NPAS3: variants seen among roughly 807,000 people sequenced by gnomAD.
The protein encoded by NPAS3 is neuronal PAS domain-containing protein 3.
A neutral mutation model predicts 73.1 loss-of-function variants in NPAS3; 14 were observed. The observed-to-expected ratio is 0.19, with a 90% confidence interval of 0.13 to 0.30. The LOEUF is 0.30. Ranked by LOEUF, NPAS3 falls within the 10% of genes least tolerant of loss-of-function variation. The pLI is 1.00. For missense variants in NPAS3, 1,096 were observed against 1,250.0 expected (o/e 0.88, Z 1.86); for synonymous variants, 620 against 541.5 (o/e 1.14, Z -2.01).
At chr14:33,139,194 A>G (rs894856885) in intron 2 of NPAS3, among the ~76,000 whole-genome samples, 21 of 152,164 alleles carry the variant, frequency 1.4e-4, no homozygotes, top group African/African-American at 5.1e-4. Context: ...TCAAGCATAT[A>G]AAATCAGATA....
intron 7 of NPAS3, among the ~76,000 whole-genome samples, chr14:33,768,007 C>T (rs925959502): frequency 6.6e-6 from 1 of 152,158 alleles, no homozygotes; most frequent in African/African-American, 2.4e-5. Context: ...CTAAACTCTG[C>T]GGACATGCAT....
At chr14:33,197,914 G>A (rs555518608) in intron 2 of NPAS3, among the ~76,000 whole-genome samples, 1 of 152,322 alleles carries the variant, frequency 6.6e-6, no homozygotes, top group Admixed American at 6.5e-5. Context: ...CTTAAAGATG[G>A]TGTGTCCAGA....
intron 6 of NPAS3, among the ~76,000 whole-genome samples, chr14:33,722,075 C>G (rs2061129104): frequency 6.6e-6 from 1 of 152,138 alleles, no homozygotes; most frequent in African/African-American, 2.4e-5. Context: ...TCCCAGGCAA[C>G]AGGAATGTGT....
At chr14:33,698,511 T>C (rs2060446947) in intron 6 of NPAS3, among the ~76,000 whole-genome samples, 1 of 152,178 alleles carries the variant, frequency 6.6e-6, no homozygotes, top group African/African-American at 2.4e-5. Flanking sequence ...GCTACAGGAA[T>C]ATCTTACGTT....
At chr14:33,081,289 G>C (rs2041855884) in intron 2 of NPAS3, among the ~76,000 whole-genome samples, 1 of 152,020 alleles carries the variant, frequency 6.6e-6, no homozygotes, top group East Asian at 1.9e-4. Context: ...TCAGAACCTT[G>C]ACAATAAAAA....
intron 5 of NPAS3, among the ~76,000 whole-genome samples, chr14:33,597,833 A>T (rs1251737309): frequency 6.6e-6 from 1 of 152,198 alleles, no homozygotes; most frequent in African/African-American, 2.4e-5. Flanking sequence ...GGAATTTTTC[A>T]TGTGGACCTG....
At chr14:33,684,268 AATCTAATCT>A (rs1432195315) in intron 6 of NPAS3, among the ~76,000 whole-genome samples, 1 of 151,640 alleles carries the variant, frequency 6.6e-6, no homozygotes, top group African/African-American at 2.4e-5. Context: ...GAACTAAAAT[AATCTAATCT>A]ATCTAATCCT....
chr14:33,749,238 A>G (rs549551934), intron 7 of NPAS3, among the ~76,000 whole-genome samples: 4 of 152,346 alleles, frequency 2.6e-5, no homozygotes, highest in South Asian at 2.1e-4. Context: ...TAAACACAAT[A>G]TAGATTCACC....
At chr14:32,937,835 G>T (rs1690319428), upstream of NPAS3, among the ~76,000 whole-genome samples, 1 of 152,148 alleles carries the variant, frequency 6.6e-6, no homozygotes, top group Non-Finnish European at 1.5e-5. Context: ...GTTGACACAT[G>T]ACTGACCCAA....
intron 1 of NPAS3, among the ~76,000 whole-genome samples, chr14:32,975,931 T>C (rs1055723678): frequency 1.3e-5 from 2 of 151,698 alleles, no homozygotes; most frequent in African/African-American, 4.8e-5. Flanking sequence ...GCATGCATTT[T>C]ACCTGAACCA....
At chr14:32,934,896 C>T (rs2035647836), upstream of NPAS3, 1 of 931,130 alleles carries the variant, frequency 1.1e-6, no homozygotes, top group Non-Finnish European at 1.3e-6. This position sits in a 1 kb window ranked among gnomAD's most constrained non-coding sequence, Gnocchi z 4.1. Context: ...CCGCGGCGGC[C>T]GGCGGGGCGG....
chr14:33,437,313 C>T (rs1056553630), intron 4 of NPAS3, among the ~76,000 whole-genome samples: 3 of 152,088 alleles, frequency 2.0e-5, no homozygotes, highest in African/African-American at 4.8e-5. Context: ...ATTCCTAAGG[C>T]GGTATAGAAC....
At chr14:33,348,290 G>A (rs562274096) in intron 3 of NPAS3, among the ~76,000 whole-genome samples, 2 of 152,250 alleles carry the variant, frequency 1.3e-5, no homozygotes, top group South Asian at 4.1e-4. Flanking sequence ...CCACCATGGG[G>A]ACCCCTCAGC....
At chr14:33,236,866 G>A (rs112157137) in intron 3 of NPAS3, among the ~76,000 whole-genome samples, 352 of 152,190 alleles carry the variant, frequency 2.3e-3, no homozygotes, top group African/African-American at 8.2e-3. Flanking sequence ...TGACCACAGC[G>A]ACATTATACT....
intron 6 of NPAS3, among the ~76,000 whole-genome samples, chr14:33,685,357 A>G (rs900659135): frequency 6.6e-6 from 1 of 152,234 alleles, no homozygotes; most frequent in Non-Finnish European, 1.5e-5. Flanking sequence ...TTAGTAGCCC[A>G]GAAATATTGC....
chr14:32,965,748 T>C (rs1478632836), intron 1 of NPAS3, among the ~76,000 whole-genome samples: 1 of 152,150 alleles, frequency 6.6e-6, no homozygotes, highest in African/African-American at 2.4e-5. Flanking sequence ...GCATCCAAAT[T>C]GGAAAGAATG....
rs372080320 is a variant in NPAS3, at chr14:32,946,346, G to A, written c.50+6980G>A. Among the ~76,000 whole-genome samples, 159 of 131,964 alleles carry A rather than the reference G, an allele frequency of 1.2e-3. 1 individual carries two copies. The highest frequency in any genetic ancestry group is 1.5e-3 in the Non-Finnish European group (97 of 63,114). The allele number at this position is 131,964 out of a possible 152,430, so 86.6% of individuals were successfully genotyped here. A position where few individuals can be genotyped will look rare whatever the true frequency, so the allele number is the denominator to read the frequency against. On this transcript the variant is annotated intron_variant, in intron 1 of 11. Coordinates refer to ENST00000356141, the Ensembl canonical transcript of NPAS3. The stretch of plus-strand genomic sequence containing the variant: ...CCCCATCCCCCCAACACACACACAC[G>A]CGCACACACACACACACACACACAC...
chr14:33,186,191 T>C (rs988618963), intron 2 of NPAS3, among the ~76,000 whole-genome samples: 2 of 152,220 alleles, frequency 1.3e-5, no homozygotes, highest in Non-Finnish European at 2.9e-5. Context: ...AGGTGAACCA[T>C]GCATACTTTT....
intron 2 of NPAS3, among the ~76,000 whole-genome samples, chr14:33,205,001 A>AT (rs944430024): frequency 2.0e-5 from 3 of 152,020 alleles, no homozygotes; most frequent in East Asian, 3.9e-4. Flanking sequence ...TTATATTTTC[A>AT]TTTTTTCAGA....
Sources: gnomAD v4.1 joint callset for allele counts (sites outside exome capture counted in the v4.1 genomes callset) on GRCh38, gnomAD v4.1.1 for gene constraint, Gnocchi (gnomAD v3.1) non-coding constraint, MANE v1.5 for transcripts, NCBI Gene and HGNC (gene_info 2026-07-23, HGNC 2026-07-21) for gene names.